The following CFAP251 variants were observed in gnomAD, a reference collection of about 807,000 sequenced individuals.
CFAP251 encodes cilia and flagella associated protein 251.
Under a neutral mutation model 126.7 loss-of-function variants are expected in CFAP251, and 93 were observed. That is an observed-to-expected ratio of 0.73 (90% confidence interval 0.62 to 0.87). The LOEUF is 0.87. Ranked by LOEUF, CFAP251 falls within the 40% of genes least tolerant of loss-of-function variation. The pLI, the probability that CFAP251 is intolerant of heterozygous loss-of-function variation, is 0.00. For synonymous variants in CFAP251, 503 were observed against 506.9 expected, an observed-to-expected ratio of 0.99 and a Z score of 0.10; for missense variants, 1,287 against 1,389.2, an observed-to-expected ratio of 0.93 and a Z score of 1.17.
chr12:121,956,308 C>T (rs1259908426), intron 10 of CFAP251, among the ~76,000 whole-genome samples: 2 of 152,100 alleles, frequency 1.3e-5, no homozygotes, highest in Admixed American at 6.5e-5. Context: ...AGTGTAAATC[C>T]TTGTCCACCT....
At chr12:121,946,621 A>G (rs933876919) in intron 7 of CFAP251, among the ~76,000 whole-genome samples, 3 of 152,136 alleles carry the variant, frequency 2.0e-5, no homozygotes, top group African/African-American at 7.2e-5. Flanking sequence ...TTTTTGAGAC[A>G]GGGTCTCACT....
intron 19 of CFAP251, among the ~76,000 whole-genome samples, chr12:121,982,241 C>G (rs979092583): frequency 2.0e-5 from 3 of 151,854 alleles, no homozygotes; most frequent in African/African-American, 7.3e-5. Flanking sequence ...GTGTCTCACT[C>G]TGTCGCCCAG....
intron 19 of CFAP251, among the ~76,000 whole-genome samples, chr12:121,985,106 C>A (rs1050148303): frequency 6.6e-6 from 1 of 152,166 alleles, no homozygotes; most frequent in South Asian, 2.1e-4. Context: ...TTGATATATT[C>A]AGGAGCTTGG....
intron 8 of CFAP251, 95 bp downstream of exon 8, chr12:121,949,156 C>T (rs1881432672): frequency 2.7e-6 from 2 of 739,784 alleles, no homozygotes; most frequent in African/African-American, 1.8e-5. Flanking sequence ...AATATAGTAT[C>T]TCTACTTAGG....
intron 17 of CFAP251, chr12:121,969,815 G>C: frequency 1.0e-6 from 1 of 985,360 alleles, no homozygotes; most frequent in South Asian, 4.7e-5. Flanking sequence ...CTTCTCAGTC[G>C]TCGTGGGATC....
At chr12:121,944,810 G>T (rs80146824) in intron 7 of CFAP251, among the ~76,000 whole-genome samples, 5,666 of 152,054 alleles carry the variant, frequency 0.037, 140 homozygotes, top group Middle Eastern at 0.054. Flanking sequence ...TTTGAGACAG[G>T]GTCTCACTGC....
Position 121,923,870 on chromosome 12 carries a change from A to G in CFAP251, c.627A>G (p.Gly209=). The G allele has an allele frequency of 1.2e-6, 2 of 1,614,160 alleles. No homozygotes were observed. Among genetic ancestry groups the G allele is most frequent in the Non-Finnish European group, 1.7e-6 (2 of 1,180,028 alleles). The part of the protein sequence containing the change: ...RDLEPENREE[G]QERRVSDIQS... ...TGGAGCCAGAAAACAGAGAGGAGGGACAAGAAAGGAGAGTATCCGACATCC... is the reference window on the plus strand; with the variant it reads ...TGGAGCCAGAAAACAGAGAGGAGGGGCAAGAAAGGAGAGTATCCGACATCC... Residue 209 remains glycine, a synonymous_variant, in exon 3 of 22, where the codon GGA becomes GGG. Coordinates refer to ENST00000288912, the MANE Select transcript of CFAP251 (RefSeq NM_144668.6).
In CFAP251 at chr12:121,990,730, TATTTTTACACCTG is replaced by T. The variant is rs908188242; in HGVS notation, c.3007-8972_3007-8960del. The stretch of plus-strand genomic sequence containing the variant: ...GAGGGCACTTAAAAAAATACATCAG[TATTTTTACACCTG>T]ATTTTTACACCTGGGCCCCAGCCTT... On this transcript the variant is annotated intron_variant, in intron 19 of 21. Transcript: ENST00000288912. Among the ~76,000 whole-genome samples the T allele has an allele frequency of 4.6e-5, 7 of 152,134 alleles. No homozygotes were observed. The South Asian group carries it at 6.2e-4, about 14-fold the overall frequency.
At chr12:121,954,662 A>AC (rs2135778505) in intron 10 of CFAP251, among the ~76,000 whole-genome samples, 1 of 147,128 alleles carries the variant, frequency 6.8e-6, no homozygotes. Flanking sequence ...AAAAAAAAAA[A>AC]AAAAAACCTC....
At chr12:121,947,459 C>CTTTTA (rs1881364816) in intron 7 of CFAP251, among the ~76,000 whole-genome samples, 1 of 151,710 alleles carries the variant, frequency 6.6e-6, no homozygotes, top group Non-Finnish European at 1.5e-5. Flanking sequence ...GGTCTTTTTT[C>CTTTTA]TTTTCTTTTC....
At chr12:121,938,159 T>C (rs1299702248) in intron 5 of CFAP251, among the ~76,000 whole-genome samples, 1 of 151,254 alleles carries the variant, frequency 6.6e-6, no homozygotes, top group Non-Finnish European at 1.5e-5. Context: ...TACATGCCAC[T>C]GAGCCTGGCT....
chr12:121,923,699 G>C lies in CFAP251; in HGVS notation c.456G>C (p.Leu152=). Residue 152 remains leucine (L), a synonymous_variant, in exon 3 of 22, where the codon CTG becomes CTC. Coordinates refer to ENST00000288912, the MANE Select transcript of CFAP251 (RefSeq NM_144668.6). ...DAETDELLRD[L]STQIEFLDLD... is the part of the protein sequence containing the mutation. ...AAACAGATGAGCTTTTAAGAGACCT[G>C]AGCACACAAATTGAATTTCTTGATT... 6.2e-7 allele frequency: 1 copy of C among 1,614,132 alleles called. No individual in the cohort carries two copies. The highest frequency in any genetic ancestry group is 8.5e-7 in the Non-Finnish European group (1 of 1,180,030).
intron 5 of CFAP251, among the ~76,000 whole-genome samples, chr12:121,935,481 G>T (rs1469945529): frequency 6.6e-6 from 1 of 152,196 alleles, no homozygotes; most frequent in African/African-American, 2.4e-5. Context: ...GACCACATTC[G>T]ATTTAGCTGT....
chr12:121,921,570 G>T lies in CFAP251; in HGVS notation c.265G>T (p.Ala89Ser). 1 of 1,614,010 alleles carries T rather than the reference G, an allele frequency of 6.2e-7. No homozygotes were observed. Among genetic ancestry groups the T allele is most frequent in the African/African-American group, 1.3e-5 (1 of 74,992 alleles). Reference protein sequence around the residue: ...EKAGEVQEKEASGIQEETTVE... With the variant: ...EKAGEVQEKESSGIQEETTVE... ...GGCTGGAGAAGTCCAAGAGAAGGAGGCTTCAGGAATACAGGAAGAAACCAC... is the reference window on the plus strand; with the variant it reads ...GGCTGGAGAAGTCCAAGAGAAGGAGTCTTCAGGAATACAGGAAGAAACCAC... The change falls in exon 2 of 22, where the codon GCT (alanine) becomes TCT (serine). Residue 89 changes from alanine to serine, a missense_variant. Physicochemically the swap from Ala to Ser is moderately conservative, Grantham distance 99. Coordinates refer to ENST00000288912, the MANE Select transcript of CFAP251 (RefSeq NM_144668.6).
chr12:121,927,471 T>C (rs1880465643), intron 3 of CFAP251, among the ~76,000 whole-genome samples: 1 of 152,134 alleles, frequency 6.6e-6, no homozygotes, highest in Non-Finnish European at 1.5e-5. Flanking sequence ...CTAACTTTTG[T>C]ATTTTTGTAG....
chr12:121,988,883 C>T (rs761593874), intron 19 of CFAP251, among the ~76,000 whole-genome samples: 1 of 151,722 alleles, frequency 6.6e-6, no homozygotes, highest in Admixed American at 6.6e-5. Context: ...CTACAGGTGC[C>T]CGCCCCCACG....
In CFAP251 at chr12:121,958,782, G is replaced by C. The variant is rs191538025; in HGVS notation, c.1982-161G>C. 4.4e-3 allele frequency among the ~76,000 whole-genome samples: 669 copies of C among 152,354 alleles called. 3 individuals carry two copies. The highest frequency in any genetic ancestry group is 0.015 in the African/African-American group (626 of 41,574). On this transcript the variant is annotated intron_variant, in intron 12 of 21. Transcript: ENST00000288912. ...TGGGCCTATCTGTGCGTCTCTGCGC[G>C]CTCACCCCAGGAGATCACGCGTTTC...
At chr12:121,951,603 T>G in intron 9 of CFAP251, 73 bp downstream of exon 9, 1 of 1,149,442 alleles carries the variant, frequency 8.7e-7, no homozygotes, top group Middle Eastern at 2.0e-4. Flanking sequence ...GCTTAGCTGC[T>G]TCGGGCTACT....
At chr12:121,936,744 G>A (rs1565905436) in intron 5 of CFAP251, among the ~76,000 whole-genome samples, 2 of 152,142 alleles carry the variant, frequency 1.3e-5, no homozygotes, top group Admixed American at 6.6e-5. Context: ...GAGGGGCCTG[G>A]TTGGGGACAA....
Sources: allele counts gnomAD v4.1 joint callset (sites outside exome capture counted in the v4.1 genomes callset), GRCh38; gene constraint gnomAD v4.1.1; transcripts MANE v1.5; gene names NCBI Gene and HGNC (gene_info 2026-07-23, HGNC 2026-07-21).